Variants in SLC5A6 observed in about 807,000 individuals in gnomAD.
SLC5A6 encodes the protein sodium-dependent multivitamin transporter.
Under a neutral mutation model 67.9 loss-of-function variants are expected in SLC5A6, and 31 were observed. That is an observed-to-expected ratio of 0.46 (90% CI 0.34 to 0.62). The LOEUF is 0.62. Ranked by LOEUF, SLC5A6 falls within the 20% of genes least tolerant of loss-of-function variation. The pLI, the probability that SLC5A6 is intolerant of heterozygous loss-of-function variation, is 0.01. For synonymous variants in SLC5A6, 343 were observed against 331.0 expected (o/e 1.04, Z -0.39); for missense variants, 673 against 812.8 (o/e 0.83, Z 2.09).
At chr2:27,210,194 A>G (rs1275532) in intron 2 of SLC5A6, among the ~76,000 whole-genome samples, 138,117 of 152,220 alleles carry the variant, frequency 0.91, 63,821 homozygotes, top group East Asian at 1. Context: ...TTCTATTTGC[A>G]TGATGTATGG....
Position 27,212,050 on chromosome 2 carries a change from C to A in SLC5A6, c.-238G>T. 9.7e-7 allele frequency: 1 copy of A among 1,033,734 alleles called. No homozygotes were observed. The highest frequency in any genetic ancestry group is 1.4e-6 in the Non-Finnish European group (1 of 736,188). 64.0% of individuals were successfully genotyped at this position (1,033,734 alleles called of 1,614,324 possible). A position where few individuals can be genotyped will look rare whatever the true frequency, so the allele number is the denominator to read the frequency against. ...GCGGATGGAGGGGCCCGAGTTTCTG[C>A]GAAGCCGCGACCTCGGCGTCCGGAC... is the stretch of plus-strand genomic sequence containing the variant. On this transcript the variant is annotated 5_prime_UTR_variant, in exon 1 of 17. Coordinates refer to ENST00000310574, the MANE Select transcript of SLC5A6 (RefSeq NM_021095.4).
chr2:27,202,725 C>T (rs1161361657), intron 12 of SLC5A6, 88 bp downstream of exon 12: 12 of 1,142,474 alleles, frequency 1.1e-5, no homozygotes, highest in Non-Finnish European at 2.6e-6. Context: ...CCGGTCATTC[C>T]CCTCAATATA....
In SLC5A6 at chr2:27,207,531, A is replaced by AAGAG; in HGVS notation, c.116_119dup (p.Ala41SerfsTer19). Reference sequence around the variant, plus strand: ...GACAAGCATGGTAGAGCCCAATGGCAAGAGAGAGAACCAGCAGCAGGACGA... The same window carrying AAGAG: ...GACAAGCATGGTAGAGCCCAATGGCAAGAGAGAGAGAGAACCAGCAGCAGGACGA... On this transcript the variant is annotated frameshift_variant, in exon 3 of 17. Coordinates refer to ENST00000310574, the MANE Select transcript of SLC5A6 (RefSeq NM_021095.4). LOFTEE classifies it high-confidence loss of function. This position sits in a 1 kb window ranked among gnomAD's most constrained non-coding sequence, Gnocchi z 5.5. 2 of 1,614,232 alleles carry AAGAG rather than the reference A, an allele frequency of 1.2e-6. No individual in the cohort carries two copies. The highest frequency in any genetic ancestry group is 1.7e-6 in the Non-Finnish European group (2 of 1,180,048).
intron 4 of SLC5A6, 58 bp downstream of exon 4, chr2:27,206,819 C>T: frequency 4.7e-6 from 6 of 1,290,274 alleles, no homozygotes; most frequent in Non-Finnish European, 3.4e-6. Context: ...CCTCAGCATG[C>T]TTGCGTTCAG....
In SLC5A6 at chr2:27,206,041, G is replaced by T. The variant is rs568571649; in HGVS notation, c.564C>A (p.Thr188=). 2 of 1,613,510 alleles carry T rather than the reference G, an allele frequency of 1.2e-6. No homozygotes were observed. The highest frequency in any genetic ancestry group is 1.3e-5 in the African/African-American group (1 of 74,830). Residue 188 remains threonine (T), a synonymous_variant, in exon 6 of 17, where the codon ACC becomes ACA. Transcript: ENST00000310574. ...CTGCACTTACCAGAGCTGTATAGAC[G>T]GTACAGACAATGCCCAGGGCCAGCA... is the stretch of plus-strand genomic sequence containing the variant. The part of the protein sequence containing the change: ...LSVLALGIVC[T]VYTALGGLKA...
At chr2:27,209,596 C>A (rs934139381) in intron 2 of SLC5A6, among the ~76,000 whole-genome samples, 1 of 152,206 alleles carries the variant, frequency 6.6e-6, no homozygotes, top group African/African-American at 2.4e-5. Flanking sequence ...CCTCACTATT[C>A]CCAGAACCAG....
At chr2:27,200,924 T>C (rs1673576028) in intron 16 of SLC5A6, 74 bp downstream of exon 16, 4 of 976,112 alleles carry the variant, frequency 4.1e-6, no homozygotes, top group African/African-American at 1.6e-5. Flanking sequence ...AGAAAAGGGG[T>C]AGAAGGGAAC....
At chr2:27,208,645 T>C (rs376555062) in intron 2 of SLC5A6, 1 of 152,728 alleles carries the variant, frequency 6.5e-6, no homozygotes, top group Admixed American at 6.6e-5. Flanking sequence ...TGAGGCAGAG[T>C]TGCCTGGAGC....
At position 27,200,112 on chromosome 2, in the gene SLC5A6, G is replaced by C. The variant is rs1673504716; in HGVS notation, c.*324C>G. The C allele has an allele frequency of 4.5e-6, 1 of 220,106 alleles. No homozygotes were observed. The highest frequency in any genetic ancestry group is 5.3e-5 in the Admixed American group (1 of 19,006). 13.6% of individuals were successfully genotyped at this position (220,106 alleles called of 1,614,324 possible). A position where few individuals can be genotyped will look rare whatever the true frequency, so the allele number is the denominator to read the frequency against. On this transcript the variant is annotated 3_prime_UTR_variant, in exon 17 of 17. Transcript: ENST00000310574. The stretch of plus-strand genomic sequence containing the variant: ...CTGTTTCTAGCCACTTACTTCAAAG[G>C]ACTATGGCTATGTTGAATCAGAAGC...
At position 27,207,014 on chromosome 2, in the gene SLC5A6, G is replaced by C; in HGVS notation, c.394-72C>G. On this transcript the variant is annotated intron_variant, in intron 3 of 16. Transcript: ENST00000310574. This position sits in a 1 kb window ranked among gnomAD's most constrained non-coding sequence, Gnocchi z 5.5. ...ACTCACAGACAAATTCCCTCAAGAT[G>C]CTCAGGAACATGAGGGAATATCCAA... 1 of 1,335,772 alleles carries C rather than the reference G, an allele frequency of 7.5e-7. No homozygotes were observed. Among genetic ancestry groups the C allele is most frequent in the Non-Finnish European group, 1.1e-6 (1 of 926,700 alleles). The allele number at this position is 1,335,772 out of a possible 1,614,324, so 82.7% of individuals were successfully genotyped here.
At chr2:27,201,175 C>T (rs956310731) in intron 15 of SLC5A6, 62 bp from the exon 16 acceptor site, 3 of 1,296,514 alleles carry the variant, frequency 2.3e-6, no homozygotes, top group African/African-American at 2.9e-5. Context: ...GGCCCCATGT[C>T]CTCCCTTGGC....
intron 1 of SLC5A6, 196 bp downstream of exon 1, chr2:27,211,824 G>GC (rs1178412999): frequency 6.8e-6 from 1 of 147,672 alleles, no homozygotes; most frequent in Non-Finnish European, 1.4e-5. Flanking sequence ...GCCCCTCCCC[G>GC]CCCCCTTGTC....
intron 2 of SLC5A6, among the ~76,000 whole-genome samples, chr2:27,210,747 G>A (rs1032270266): frequency 6.6e-6 from 1 of 152,078 alleles, no homozygotes; most frequent in African/African-American, 2.4e-5. Flanking sequence ...TTTTTAAAAG[G>A]GGTCCCACAT....
Position 27,204,817 on chromosome 2 carries a change from A to G in SLC5A6, c.849T>C (p.Ser283=), listed in dbSNP as rs749002914. Residue 283 remains serine (S), a synonymous_variant, in exon 8 of 17, where the codon AGT becomes AGC. Transcript: ENST00000310574. ...VNQAQVQRYL[S]SRTEKAAVLS... ...GCACAGCAGCCTTCTCCGTGCGGGA[A>G]CTGAGGTACCGCTGCACCTGAGCCT... 1 of 1,614,102 alleles carries G rather than the reference A, an allele frequency of 6.2e-7. No homozygotes were observed. The highest frequency in any genetic ancestry group is 1.1e-5 in the South Asian group (1 of 91,082).
At chr2:27,201,922 G>C (rs1040779575) in intron 13 of SLC5A6, 66 bp downstream of exon 13, 103 of 1,607,844 alleles carry the variant, frequency 6.4e-5, no homozygotes, top group African/African-American at 1.3e-5. Flanking sequence ...CTCTCCTGGT[G>C]ACAGCCCTGC....
At chr2:27,204,100 C>T (rs1673865539) in intron 9 of SLC5A6, among the ~76,000 whole-genome samples, 1 of 152,150 alleles carries the variant, frequency 6.6e-6, no homozygotes. Context: ...CTGTTTCTGG[C>T]TACTAGTGTG....
Position 27,211,464 on chromosome 2 carries a change from T to TA in SLC5A6, c.-141+2dup, listed in dbSNP as rs1674498622. 6.6e-6 allele frequency: 1 copy of TA among 152,348 alleles called. No individual in the cohort carries two copies. 9.4% of individuals were successfully genotyped at this position (152,348 alleles called of 1,614,324 possible). A position where few individuals can be genotyped will look rare whatever the true frequency, so the allele number is the denominator to read the frequency against. On this transcript the variant is annotated splice_region_variant and intron_variant, in intron 2 of 16. Transcript: ENST00000310574. ...ACCCTGGGGCAGCAACGCACTCCCT[T>TA]ACCTCCGTGGTTCAGTCAGAGCTAG...
upstream of SLC5A6, chr2:27,212,487 G>A: frequency 6.4e-7 from 1 of 1,555,726 alleles, no homozygotes; most frequent in Non-Finnish European, 8.7e-7. Context: ...CAAGTTTGAG[G>A]TCGGGCTGAA....
In SLC5A6 at chr2:27,204,580, C is replaced by A. The variant is rs201077799; in HGVS notation, c.886G>T (p.Ala296Ser). The change falls in exon 9 of 17, where the codon GCA (alanine) becomes TCA (serine). Residue 296 changes from alanine to serine, a missense_variant. Coordinates refer to ENST00000310574, the MANE Select transcript of SLC5A6 (RefSeq NM_021095.4). ...GACACCTGCTGGAAGGGGAACACTGCATAACAGGAGCTGCAAAAGAGGTCA... is the reference window on the plus strand; with the variant it reads ...GACACCTGCTGGAAGGGGAACACTGAATAACAGGAGCTGCAAAAGAGGTCA... Reference protein sequence around the residue: ...TEKAAVLSCYAVFPFQQVSLC... With the variant: ...TEKAAVLSCYSVFPFQQVSLC... The A allele has an allele frequency of 1.4e-5, 22 of 1,614,022 alleles. No homozygotes were observed. The highest frequency in any genetic ancestry group is 1.9e-5 in the Non-Finnish European group (22 of 1,179,926).
Sources: gnomAD v4.1 joint callset for allele counts (sites outside exome capture counted in the v4.1 genomes callset) on GRCh38, gnomAD v4.1.1 for gene constraint, Gnocchi (gnomAD v3.1) non-coding constraint, MANE v1.5 for transcripts, NCBI Gene and HGNC (gene_info 2026-07-23, HGNC 2026-07-21) for gene names.